ANXA13: variants seen among roughly 807,000 people sequenced by gnomAD.
ANXA13 encodes the protein annexin A13.
ANXA13 carries 36 observed loss-of-function variants against 46.6 expected under a neutral mutation model. The ratio of observed to expected loss-of-function variants is 0.77; its 90% CI spans 0.59 to 1.02. The LOEUF (loss-of-function observed/expected upper bound fraction) is 1.02, where lower values mean the gene tolerates loss of function less well. ANXA13 is among the 50% of genes least tolerant of loss of function. The pLI is 0.00. For synonymous variants in ANXA13, 163 were observed against 152.9 expected, an observed-to-expected ratio of 1.07 and a Z score of -0.49; for missense variants, 417 against 396.5, an observed-to-expected ratio of 1.05 and a Z score of -0.44.
chr8:123,707,940 G>A (rs759726957), intron 2 of ANXA13, among the ~76,000 whole-genome samples: 13 of 152,180 alleles, frequency 8.5e-5, no homozygotes, highest in South Asian at 4.2e-4. Context: ...GTCCTGAGAC[G>A]GCCCAGCAAC....
intron 1 of ANXA13, among the ~76,000 whole-genome samples, chr8:123,735,113 C>CAAAAA: frequency 9.2e-6 from 1 of 108,576 alleles, no homozygotes; most frequent in African/African-American, 3.2e-5. Flanking sequence ...AAGTAAAACT[C>CAAAAA]AAAAAAAAAA....
intron 3 of ANXA13, among the ~76,000 whole-genome samples, chr8:123,701,636 G>A (rs1813449227): frequency 6.6e-6 from 1 of 152,176 alleles, no homozygotes; most frequent in Non-Finnish European, 1.5e-5. Context: ...ACAGCCATTT[G>A]GGCCATTTAG....
Position 123,681,174 on chromosome 8 carries a change from G to A in ANXA13, c.*66C>T, listed in dbSNP as rs956557585. 5.3e-6 allele frequency: 8 copies of A among 1,518,852 alleles called. No individual in the cohort carries two copies. The Admixed American group carries it at 1.6e-4, about 30-fold the overall frequency. 94.1% of individuals were successfully genotyped at this position (1,518,852 alleles called of 1,614,324 possible). A position where few individuals can be genotyped will look rare whatever the true frequency, so the allele number is the denominator to read the frequency against. On this transcript the variant is annotated 3_prime_UTR_variant, in exon 11 of 11. Coordinates refer to ENST00000419625, the MANE Select transcript of ANXA13 (RefSeq NM_004306.4). ...TTTCGTGCGGGAGTCTCATTTGCAA[G>A]TTTGATTTGGAATGTGCTCTTGACA...
intron 1 of ANXA13, chr8:123,728,137 T>C (rs1012982889): frequency 3.3e-5 from 5 of 152,286 alleles, no homozygotes; most frequent in African/African-American, 9.6e-5. Flanking sequence ...GAGTGCTGTG[T>C]TGGGCTGGAG....
chr8:123,722,650 A>G (rs760205638), intron 1 of ANXA13, among the ~76,000 whole-genome samples: 1 of 152,210 alleles, frequency 6.6e-6, no homozygotes, highest in African/African-American at 2.4e-5. Context: ...TGCTCCCAAT[A>G]TTCCTTCTGA....
chr8:123,701,464 C>T (rs13281423), intron 3 of ANXA13, among the ~76,000 whole-genome samples: 59,276 of 151,440 alleles, frequency 0.39, 11,783 homozygotes, highest in Non-Finnish European at 0.41. Flanking sequence ...AGTGAGACTC[C>T]GTCTCAAAAC....
At chr8:123,720,870 G>T (rs955053754) in intron 1 of ANXA13, among the ~76,000 whole-genome samples, 1 of 152,210 alleles carries the variant, frequency 6.6e-6, no homozygotes, top group South Asian at 2.1e-4. Flanking sequence ...ATAAGTATTA[G>T]GATTACAGGC....
chr8:123,688,721 A>G lies in ANXA13; in HGVS notation c.718+150T>C, dbSNP rs1402633483. The G allele has an allele frequency of 7.4e-6, 5 of 671,820 alleles. No homozygotes were observed. The Admixed American group carries it at 1.2e-4, about 16-fold the overall frequency. 41.6% of individuals were successfully genotyped at this position (671,820 alleles called of 1,614,324 possible). On this transcript the variant is annotated intron_variant, in intron 9 of 10. Coordinates refer to ENST00000419625, the MANE Select transcript of ANXA13 (RefSeq NM_004306.4). ...TCAGCAACGCCCCTGTTGCAACTAC[A>G]TCACAGTCACTCTCTCTCTTGCTCA...
At chr8:123,725,209 G>T (rs925568261) in intron 1 of ANXA13, among the ~76,000 whole-genome samples, 2 of 152,142 alleles carry the variant, frequency 1.3e-5, no homozygotes, top group Non-Finnish European at 2.9e-5. Flanking sequence ...ATTAAAAAGT[G>T]CGTATTTAAA....
intron 3 of ANXA13, among the ~76,000 whole-genome samples, chr8:123,698,828 T>A (rs1227684861): frequency 6.6e-6 from 1 of 152,174 alleles, no homozygotes; most frequent in Non-Finnish European, 1.5e-5. Flanking sequence ...TGTGGAACAT[T>A]TGAGAGCTCA....
At chr8:123,688,217 A>C (rs62518600) in intron 9 of ANXA13, among the ~76,000 whole-genome samples, 7,850 of 152,144 alleles carry the variant, frequency 0.052, 231 homozygotes, top group Non-Finnish European at 0.07. Context: ...GTTTCCCCTC[A>C]TACGGTTCTC....
chr8:123,724,789 T>C (rs1339269414), intron 1 of ANXA13, among the ~76,000 whole-genome samples: 1 of 152,246 alleles, frequency 6.6e-6, no homozygotes, highest in Non-Finnish European at 1.5e-5. Flanking sequence ...TCTTTCACAC[T>C]CGTCTAATCC....
intron 2 of ANXA13, among the ~76,000 whole-genome samples, chr8:123,703,923 T>C (rs961951283): frequency 6.6e-6 from 1 of 152,158 alleles, no homozygotes; most frequent in African/African-American, 2.4e-5. Flanking sequence ...AACCCCACAT[T>C]AGATTTATTC....
chr8:123,685,445 C>A (rs1813122448), intron 9 of ANXA13, among the ~76,000 whole-genome samples: 1 of 152,140 alleles, frequency 6.6e-6, no homozygotes, highest in African/African-American at 2.4e-5. Context: ...ATCATTCCTT[C>A]CCCTCTTCCC....
At chr8:123,736,008 G>A (rs1814259193) in intron 1 of ANXA13, 2 of 927,436 alleles carry the variant, frequency 2.2e-6, no homozygotes, top group African/African-American at 3.4e-5. Flanking sequence ...TATTCCTGGG[G>A]TCCTCTGCAT....
rs541303796 is a variant in ANXA13 at position 123,702,997 on chromosome 8, G to C, written c.92-261C>G. On this transcript the variant is annotated intron_variant, in intron 2 of 10. Coordinates refer to ENST00000419625, the MANE Select transcript of ANXA13 (RefSeq NM_004306.4). ...GTGGAAAGAGGAACGAGTATGGCTGGTTCCTTAATTTTATTCCTAGGGAAA... is the reference window on the plus strand; with the variant it reads ...GTGGAAAGAGGAACGAGTATGGCTGCTTCCTTAATTTTATTCCTAGGGAAA... 7.9e-5 allele frequency among the ~76,000 whole-genome samples: 12 copies of C among 152,278 alleles called. No individual in the cohort carries two copies. The East Asian group carries it at 2.3e-3, about 29-fold the overall frequency.
rs536779889 is a variant in ANXA13, at chr8:123,692,516, G to A, written c.642+681C>T. On this transcript the variant is annotated intron_variant, in intron 8 of 10. Transcript: ENST00000419625. ...CTAAGGGCCTTGAAATAACTAACTCGCTTTGTGGGCTTAAATTTATCCTGG... is the reference window on the plus strand; with the variant it reads ...CTAAGGGCCTTGAAATAACTAACTCACTTTGTGGGCTTAAATTTATCCTGG... 5.9e-5 allele frequency among the ~76,000 whole-genome samples: 9 copies of A among 152,228 alleles called. No individual in the cohort carries two copies. The East Asian group carries it at 1.4e-3, about 23-fold the overall frequency.
At chr8:123,686,967 T>C (rs1301703572) in intron 9 of ANXA13, among the ~76,000 whole-genome samples, 2 of 152,234 alleles carry the variant, frequency 1.3e-5, no homozygotes, top group African/African-American at 4.8e-5. Context: ...TTGGACTGTG[T>C]GGTCCTCAAC....
rs983329021 is a variant in ANXA13 at position 123,737,378 on chromosome 8, C to G, written c.-44G>C. The G allele has an allele frequency of 1.3e-6, 2 of 1,561,376 alleles. No homozygotes were observed. Among genetic ancestry groups the G allele is most frequent in the Non-Finnish European group, 1.8e-6 (2 of 1,137,560 alleles). On this transcript the variant is annotated 5_prime_UTR_variant, in exon 1 of 11. Coordinates refer to ENST00000419625, the MANE Select transcript of ANXA13 (RefSeq NM_004306.4). ...GTTTTTCTGTATTTCATCAAGAGAT[C>G]AGTCCTCCTACAGGCAAAGTTTACA...
Sources: allele counts gnomAD v4.1 joint callset (sites outside exome capture counted in the v4.1 genomes callset), GRCh38; gene constraint gnomAD v4.1.1; transcripts MANE v1.5; gene names NCBI Gene and HGNC (gene_info 2026-07-23, HGNC 2026-07-21).